Variants in COL25A1 observed in about 807,000 individuals in gnomAD.
COL25A1 encodes collagen type XXV alpha 1 chain.
COL25A1 carries 103 observed loss-of-function variants against 128.4 expected under a neutral mutation model. The observed-to-expected ratio is 0.80, with a 90% confidence interval of 0.68 to 0.94. The LOEUF (loss-of-function observed/expected upper bound fraction) is 0.94, where lower values mean the gene tolerates loss of function less well. COL25A1 is among the 40% of genes least tolerant of loss of function. The pLI is 0.00. For missense variants in COL25A1, 745 were observed against 840.0 expected, an observed-to-expected ratio of 0.89 and a Z score of 1.40; for synonymous variants, 279 against 277.2, an observed-to-expected ratio of 1.01 and a Z score of -0.06.
At chr4:108,843,148 CAAAAA>C (rs540931971) in intron 30 of COL25A1, among the ~76,000 whole-genome samples, 85 of 88,272 alleles carry the variant, frequency 9.6e-4, no homozygotes, top group African/African-American at 3.3e-3. Context: ...GACCCTGTCT[CAAAAA>C]AAAAAAAAAA....
chr4:109,017,246 G>A (rs1379453888), intron 5 of COL25A1, among the ~76,000 whole-genome samples: 1 of 152,224 alleles, frequency 6.6e-6, no homozygotes, highest in East Asian at 1.9e-4. Context: ...GTACCTGGCT[G>A]TGTGCAATGG....
intron 31 of COL25A1, chr4:108,838,234 A>C (rs1734031652): frequency 8.4e-7 from 1 of 1,195,370 alleles, no homozygotes; most frequent in East Asian, 2.5e-5. Context: ...TTAAACTGTG[A>C]GAGAAGAGAG....
At chr4:108,974,041 G>A (rs1752181825) in intron 8 of COL25A1, among the ~76,000 whole-genome samples, 1 of 152,194 alleles carries the variant, frequency 6.6e-6, no homozygotes, top group African/African-American at 2.4e-5. Flanking sequence ...TGGCCTCTAT[G>A]TTGTGAAACA....
intron 18 of COL25A1, among the ~76,000 whole-genome samples, chr4:108,888,401 C>T (rs1359650816): frequency 2.6e-5 from 4 of 152,180 alleles, no homozygotes. Flanking sequence ...AAGGCAGAGT[C>T]ATGATCTTTA....
At chr4:109,218,895 T>A (rs530293447) in intron 3 of COL25A1, among the ~76,000 whole-genome samples, 3 of 152,148 alleles carry the variant, frequency 2.0e-5, no homozygotes, top group African/African-American at 7.2e-5. Flanking sequence ...TGCGCCAAAA[T>A]AGGTTCATAG....
At chr4:108,872,691 T>TACAC (rs34351573) in intron 19 of COL25A1, among the ~76,000 whole-genome samples, 16 of 150,968 alleles carry the variant, frequency 1.1e-4, no homozygotes, top group Admixed American at 5.9e-4. Flanking sequence ...GATATATATA[T>TACAC]ACACACACAC....
chr4:108,941,531 C>G (rs1748093761), intron 8 of COL25A1, 94 bp from the exon 9 acceptor site: 1 of 851,612 alleles, frequency 1.2e-6, no homozygotes. Flanking sequence ...TAAAGATATC[C>G]ACATTAGACT....
intron 5 of COL25A1, among the ~76,000 whole-genome samples, chr4:109,019,568 C>T (rs1008870380): frequency 4.0e-5 from 6 of 151,558 alleles, no homozygotes; most frequent in African/African-American, 1.2e-4. Flanking sequence ...TGGTGGCAGC[C>T]GAGAGAGTGA....
chr4:109,206,046 GA>G (rs1021122251), intron 3 of COL25A1, among the ~76,000 whole-genome samples: 5 of 150,360 alleles, frequency 3.3e-5, no homozygotes, highest in Admixed American at 6.6e-5. Flanking sequence ...TCATTTTTCA[GA>G]AAAAAAAATC....
chr4:109,000,883 G>A (rs1438318636), intron 6 of COL25A1, among the ~76,000 whole-genome samples: 6 of 145,964 alleles, frequency 4.1e-5, no homozygotes, highest in Admixed American at 4.1e-4. Flanking sequence ...ATACGAAGGG[G>A]TATCCTATTT....
intron 11 of COL25A1, among the ~76,000 whole-genome samples, chr4:108,925,181 G>T (rs1303381710): frequency 2.6e-5 from 4 of 152,098 alleles, no homozygotes; most frequent in African/African-American, 9.7e-5. Flanking sequence ...CACTCAGTGA[G>T]CACTCAAAAC....
intron 6 of COL25A1, among the ~76,000 whole-genome samples, chr4:108,983,663 T>C (rs1346661061): frequency 6.6e-6 from 1 of 152,088 alleles, no homozygotes; most frequent in Non-Finnish European, 1.5e-5. Flanking sequence ...TTGGAGTTTC[T>C]TCCTTCTGGT....
intron 3 of COL25A1, among the ~76,000 whole-genome samples, chr4:109,082,592 T>C (rs1038246262): frequency 3.3e-5 from 5 of 152,254 alleles, no homozygotes; most frequent in Admixed American, 6.5e-5. Context: ...TTTGTTTATC[T>C]TCTGTAGAGA....
intron 27 of COL25A1, among the ~76,000 whole-genome samples, chr4:108,848,046 G>A (rs1025208036): frequency 2.0e-5 from 3 of 152,228 alleles, no homozygotes; most frequent in Admixed American, 1.3e-4. Context: ...TTCTTTTAGA[G>A]CAGGGGTCGC....
At chr4:109,191,126 C>G (rs2126161832) in intron 3 of COL25A1, among the ~76,000 whole-genome samples, 2 of 152,306 alleles carry the variant, frequency 1.3e-5, no homozygotes, top group East Asian at 3.9e-4. Context: ...GAATAGTACA[C>G]AGAAAGCAGG....
At chr4:108,992,299 T>G (rs961472375) in intron 6 of COL25A1, among the ~76,000 whole-genome samples, 7 of 152,218 alleles carry the variant, frequency 4.6e-5, no homozygotes, top group African/African-American at 1.7e-4. Context: ...TTGAAGGCCA[T>G]TAATACAATG....
chr4:109,199,552 G>GA (rs56935062), intron 3 of COL25A1, among the ~76,000 whole-genome samples: 9,230 of 145,616 alleles, frequency 0.063, 492 homozygotes, highest in African/African-American at 0.15. Flanking sequence ...TTATTTTCCA[G>GA]AAAAAAAAAA....
intron 3 of COL25A1, among the ~76,000 whole-genome samples, chr4:109,257,370 T>TA (rs1287835775): frequency 2.0e-5 from 3 of 152,352 alleles, no homozygotes; most frequent in African/African-American, 7.2e-5. Flanking sequence ...AACAGAAAGA[T>TA]AATTACTGTG....
intron 3 of COL25A1, among the ~76,000 whole-genome samples, chr4:109,234,371 T>G (rs919078789): frequency 2.0e-5 from 3 of 152,160 alleles, no homozygotes; most frequent in Non-Finnish European, 2.9e-5. Context: ...TCTACTCTAC[T>G]CCTAAATGTT....
Sources: allele counts gnomAD v4.1 joint callset (sites outside exome capture counted in the v4.1 genomes callset), GRCh38; gene constraint gnomAD v4.1.1; transcripts MANE v1.5; gene names NCBI Gene and HGNC (gene_info 2026-07-23, HGNC 2026-07-21).